CYP27A1: variants seen among roughly 807,000 people sequenced by gnomAD.
CYP27A1 encodes the protein sterol 26-hydroxylase, mitochondrial.
CYP27A1 carries 46 observed loss-of-function variants against 58.2 expected under a neutral mutation model. The observed-to-expected ratio is 0.79, with a 90% confidence interval of 0.62 to 1.01. The LOEUF is 1.01. Among genes scored for constraint, CYP27A1 ranks in the 50% least tolerant of loss-of-function variants. CYP27A1 has a pLI of 0.00. For missense variants in CYP27A1, 704 were observed against 687.0 expected, an observed-to-expected ratio of 1.02 and a Z score of -0.28; for synonymous variants, 274 against 285.1, an observed-to-expected ratio of 0.96 and a Z score of 0.39.
intron 1 of CYP27A1, among the ~76,000 whole-genome samples, chr2:218,792,850 A>C (rs1426400125): frequency 6.6e-6 from 1 of 152,216 alleles, no homozygotes; most frequent in Non-Finnish European, 1.5e-5. Context: ...GTAACTTAGC[A>C]TGTCAAATAA....
At chr2:218,790,038 T>C (rs187023885) in intron 1 of CYP27A1, among the ~76,000 whole-genome samples, 1 of 152,352 alleles carries the variant, frequency 6.6e-6, no homozygotes, top group East Asian at 1.9e-4. Context: ...GTGTGGTCTG[T>C]TGGAGGCTAG....
rs556715266 is a variant in CYP27A1 at position 218,812,714 on chromosome 2, G to A, written c.809G>A (p.Arg270Gln). Residue 270 changes from arginine (R) to glutamine (Q), a missense_variant, in exon 4 of 9, where the codon CGA becomes CAA. Coordinates refer to ENST00000258415, the MANE Select transcript of CYP27A1 (RefSeq NM_000784.4). The stretch of plus-strand genomic sequence containing the variant: ...CGCCCCGTGCTGCCTTTCTGGAAGC[G>A]ATACCTGGATGGTTGGAATGCCATC... ...WTRPVLPFWKRYLDGWNAIFS... is the reference protein window; with the variant it reads ...WTRPVLPFWKQYLDGWNAIFS... 31 of 1,614,206 alleles carry A rather than the reference G, an allele frequency of 1.9e-5. No homozygotes were observed. The highest frequency in any genetic ancestry group is 8.9e-5 in the East Asian group (4 of 44,890).
intron 2 of CYP27A1, among the ~76,000 whole-genome samples, chr2:218,811,459 G>A (rs1019702640): frequency 1.3e-5 from 2 of 152,218 alleles, no homozygotes; most frequent in Non-Finnish European, 2.9e-5. Context: ...GAACAGCTGG[G>A]AGTGGGGGCA....
Position 218,812,960 on chromosome 2 carries a change from A to C in CYP27A1, c.881A>C (p.Glu294Ala). Residue 294 changes from glutamate to alanine, a missense_variant, in exon 5 of 9, where the codon GAG becomes GCG. Glu to Ala is a moderately radical substitution (Grantham distance 107, BLOSUM62 -1). Transcript: ENST00000258415. ...KLIDEKLEDM[E>A]AQLQAAGPDG... Reference sequence around the variant, plus strand: ...ATTGATGAGAAGCTCGAAGATATGGAGGCCCAACTGCAGGCAGCAGGGCCA... The same window carrying C: ...ATTGATGAGAAGCTCGAAGATATGGCGGCCCAACTGCAGGCAGCAGGGCCA... 1 of 1,614,186 alleles carries C rather than the reference A, an allele frequency of 6.2e-7. No homozygotes were observed. The highest frequency in any genetic ancestry group is 1.3e-5 in the African/African-American group (1 of 75,030).
At chr2:218,783,532 C>T (rs568599366) in intron 1 of CYP27A1, among the ~76,000 whole-genome samples, 1 of 152,282 alleles carries the variant, frequency 6.6e-6, no homozygotes, top group South Asian at 2.1e-4. Context: ...ATGCACCTAC[C>T]ATGTTCTAGG....
Position 218,782,569 on chromosome 2 carries a change from T to C in CYP27A1, c.255+132T>C, listed in dbSNP as rs977265336. On this transcript the variant is annotated intron_variant, in intron 1 of 8. Coordinates refer to ENST00000258415, the MANE Select transcript of CYP27A1 (RefSeq NM_000784.4). The surrounding 1 kb of genome is among the most constrained non-coding windows in gnomAD (Gnocchi z 4.1). The stretch of plus-strand genomic sequence containing the variant: ...TGGGGACCCACTGAGGCTATGGTCA[T>C]AAACTGGAAATCAGTAGGGAGAATG... The C allele has an allele frequency of 7.1e-5, 83 of 1,177,092 alleles. 1 individual carries two copies. The African/African-American group carries it at 1.2e-3, about 17-fold the overall frequency. The allele number at this position is 1,177,092 out of a possible 1,614,324, so 72.9% of individuals were successfully genotyped here.
Position 218,814,757 on chromosome 2 carries a change from G to T in CYP27A1, c.1476G>T (p.Arg492Ser). The stretch of plus-strand genomic sequence containing the variant: ...TGGAGATGCAGCTACTCCTCGCAAG[G>T]GTGAGCTGGGAGAGGCTAGTAGGGT... ...AELEMQLLLA[R>S]LIQKYKVVLA... The change falls in exon 8 of 9, where the codon AGG becomes AGT. Residue 492 changes from arginine to serine, a missense_variant and splice_region_variant. Coordinates refer to ENST00000258415, the MANE Select transcript of CYP27A1 (RefSeq NM_000784.4). 6.2e-7 allele frequency: 1 copy of T among 1,614,152 alleles called. No individual in the cohort carries two copies. Among genetic ancestry groups the T allele is most frequent in the South Asian group, 1.1e-5 (1 of 91,080 alleles).
intron 1 of CYP27A1, among the ~76,000 whole-genome samples, chr2:218,794,728 A>C (rs929172878): frequency 2.6e-5 from 4 of 152,160 alleles, no homozygotes; most frequent in Admixed American, 2.6e-4. Context: ...TGTAGTACAG[A>C]GCCACAATTA....
rs886041342 is a variant in CYP27A1 at position 218,782,184 on chromosome 2, T to TGGCTGCGCTG, written c.11_20dup (p.Arg8_?7). ...GGTGCAGGCGCGCGAGCACAACCCA[T>TGGCTGCGCTG]GGCTGCGCTGGGCTGCGCGAGGCTG... On this transcript the variant is annotated frameshift_variant and start_lost, in exon 1 of 9. Transcript: ENST00000258415. LOFTEE classifies it high-confidence loss of function. This position sits in a 1 kb window ranked among gnomAD's most constrained non-coding sequence, Gnocchi z 4.1. 6 of 1,536,434 alleles carry TGGCTGCGCTG rather than the reference T, an allele frequency of 3.9e-6. No individual in the cohort carries two copies. Among genetic ancestry groups the TGGCTGCGCTG allele is most frequent in the African/African-American group, 1.4e-5 (1 of 72,908 alleles).
Position 218,809,759 on chromosome 2 carries a change from G to C in CYP27A1, c.438G>C (p.Pro146=), listed in dbSNP as rs692003. ...ACCAGCACGACCTGACCTATGGGCCGTTCACCACGTGAGCTGGGGCCTGAA... is the reference window on the plus strand; with the variant it reads ...ACCAGCACGACCTGACCTATGGGCCCTTCACCACGTGAGCTGGGGCCTGAA... ...HRDQHDLTYG[P]FTTEGHHWYQ... The change falls in exon 2 of 9, where the codon CCG becomes CCC. Residue 146 remains proline, a synonymous_variant. Coordinates refer to ENST00000258415, the MANE Select transcript of CYP27A1 (RefSeq NM_000784.4). 4 of 1,612,722 alleles carry C rather than the reference G, an allele frequency of 2.5e-6. No homozygotes were observed. Among genetic ancestry groups the C allele is most frequent in the Non-Finnish European group, 3.4e-6 (4 of 1,179,036 alleles).
chr2:218,795,121 C>T lies in CYP27A1; in HGVS notation c.255+12684C>T, dbSNP rs557423151. 7.2e-4 allele frequency among the ~76,000 whole-genome samples: 110 copies of T among 152,292 alleles called. 1 individual carries two copies. The highest frequency in any genetic ancestry group is 2.5e-3 in the African/African-American group (105 of 41,566). On this transcript the variant is annotated intron_variant, in intron 1 of 8. Coordinates refer to ENST00000258415, the MANE Select transcript of CYP27A1 (RefSeq NM_000784.4). ...GTCAGTAGCCTTGGAGTTCCCTAGACCTCATTTATGCCATGGATACTAGCA... is the reference window on the plus strand; with the variant it reads ...GTCAGTAGCCTTGGAGTTCCCTAGATCTCATTTATGCCATGGATACTAGCA...
rs151117761 is a variant in CYP27A1, at chr2:218,814,998, G to A, written c.1564G>A (p.Val522Met). The A allele has an allele frequency of 5.0e-5, 81 of 1,614,238 alleles. No individual in the cohort carries two copies. The African/African-American group carries it at 9.7e-4, about 19-fold the overall frequency. ...CATTGTCCTGGTTCCCAATAAGAAAGTGGGCCTGCAGTTCCTGCAGAGACA... is the reference window on the plus strand; with the variant it reads ...CATTGTCCTGGTTCCCAATAAGAAAATGGGCCTGCAGTTCCTGCAGAGACA... ...ARIVLVPNKK[V>M]GLQFLQRQC Residue 522 changes from valine (V) to methionine (M), a missense_variant, in exon 9 of 9, where the codon GTG becomes ATG. Coordinates refer to ENST00000258415, the MANE Select transcript of CYP27A1 (RefSeq NM_000784.4).
chr2:218,814,495 C>A, intron 7 of CYP27A1, 37 bp downstream of exon 7: 1 of 1,612,584 alleles, frequency 6.2e-7, no homozygotes, highest in African/African-American at 1.3e-5. Context: ...CCCAGGAGTG[C>A]CCTATGCCCC....
chr2:218,801,052 G>T (rs1441901036), intron 1 of CYP27A1, among the ~76,000 whole-genome samples: 1 of 152,132 alleles, frequency 6.6e-6, no homozygotes, highest in Non-Finnish European at 1.5e-5. Flanking sequence ...CTAAATGTTT[G>T]TGTACATTCT....
intron 4 of CYP27A1, 66 bp downstream of exon 4, chr2:218,812,815 G>A (rs1943738008): frequency 6.2e-7 from 1 of 1,605,988 alleles, no homozygotes; most frequent in Non-Finnish European, 8.5e-7. Context: ...TGCATCAGCG[G>A]TCTCTCCCAG....
chr2:218,814,324 G>T, intron 6 of CYP27A1, 56 bp from the exon 7 acceptor site: 1 of 1,601,900 alleles, frequency 6.2e-7, no homozygotes, highest in Non-Finnish European at 8.6e-7. Flanking sequence ...GAAGGAGTGG[G>T]GCACTTTGTA....
intron 1 of CYP27A1, among the ~76,000 whole-genome samples, chr2:218,808,114 T>G (rs34252444): frequency 0.022 from 3,284 of 152,350 alleles, 58 homozygotes; most frequent in Non-Finnish European, 0.033. Context: ...TTTCATTATG[T>G]GGATATCTCA....
intron 1 of CYP27A1, 152 bp from the exon 2 acceptor site, chr2:218,809,425 A>T: frequency 1.5e-6 from 1 of 685,150 alleles, no homozygotes; most frequent in Non-Finnish European, 2.4e-6. Context: ...CCTGGTGCCT[A>T]CATCATACAC....
chr2:218,788,688 G>T (rs1478313919), intron 1 of CYP27A1, among the ~76,000 whole-genome samples: 1 of 152,172 alleles, frequency 6.6e-6, no homozygotes, highest in African/African-American at 2.4e-5. Context: ...TCTCCGTTAG[G>T]TTAATTATCT....
Sources: allele counts gnomAD v4.1 joint callset (sites outside exome capture counted in the v4.1 genomes callset), GRCh38; gene constraint gnomAD v4.1.1; non-coding constraint Gnocchi (gnomAD v3.1); transcripts MANE v1.5; gene names NCBI Gene and HGNC (gene_info 2026-07-23, HGNC 2026-07-21).